The following HS3ST3A1 variants were observed in gnomAD, a reference collection of about 807,000 sequenced individuals.
HS3ST3A1 encodes the protein heparan sulfate glucosamine 3-O-sulfotransferase 3A1.
HS3ST3A1 carries 19 observed loss-of-function variants against 25.7 expected under a neutral mutation model. The ratio of observed to expected loss-of-function variants is 0.74; its 90% CI spans 0.52 to 1.08. The LOEUF is 1.08. Among genes scored for constraint, HS3ST3A1 ranks in the 50% least tolerant of loss-of-function variants. HS3ST3A1 has a pLI of 0.00. For synonymous variants in HS3ST3A1, 226 were observed against 278.6 expected (o/e 0.81, Z 1.88); for missense variants, 459 against 594.3 (o/e 0.77, Z 2.37).
At position 13,591,546 on chromosome 17, in the gene HS3ST3A1, G is replaced by A. The variant is rs547149560; in HGVS notation, c.599+8985C>T. Reference sequence around the variant, plus strand: ...GAGAAAAGTTGACAAAAATGAAGGCGGTTTTAGTTATTCCATAATAGGCCA... The same window carrying A: ...GAGAAAAGTTGACAAAAATGAAGGCAGTTTTAGTTATTCCATAATAGGCCA... On this transcript the variant is annotated intron_variant, in intron 1 of 1. Transcript: ENST00000284110. Among the ~76,000 whole-genome samples the A allele has an allele frequency of 5.3e-5, 8 of 152,116 alleles. No homozygotes were observed. The East Asian group carries it at 1.2e-3, about 22-fold the overall frequency.
At chr17:13,506,077 AC>A (rs1905664368) in intron 1 of HS3ST3A1, among the ~76,000 whole-genome samples, 1 of 140,992 alleles carries the variant, frequency 7.1e-6, no homozygotes, top group Non-Finnish European at 1.5e-5. Context: ...AGTTGGAGTT[AC>A]TTTTTTTTTT....
At chr17:13,511,387 T>C (rs1905855613) in intron 1 of HS3ST3A1, among the ~76,000 whole-genome samples, 1 of 151,908 alleles carries the variant, frequency 6.6e-6, no homozygotes, top group African/African-American at 2.4e-5. Context: ...AGGATTTGGG[T>C]GAGGGAAGTA....
At chr17:13,540,344 T>C (rs1906894707) in intron 1 of HS3ST3A1, among the ~76,000 whole-genome samples, 1 of 152,174 alleles carries the variant, frequency 6.6e-6, no homozygotes, top group Non-Finnish European at 1.5e-5. Context: ...CTCTAGTTAG[T>C]GGAAAGGGTT....
At chr17:13,570,744 A>G (rs1907781970) in intron 1 of HS3ST3A1, among the ~76,000 whole-genome samples, 1 of 152,228 alleles carries the variant, frequency 6.6e-6, no homozygotes, top group Non-Finnish European at 1.5e-5. Context: ...TGCTGGGATT[A>G]CGGGGGTGAG....
At chr17:13,556,514 G>GAAATAAAATAAGATA (rs1907378971) in intron 1 of HS3ST3A1, among the ~76,000 whole-genome samples, 1 of 145,830 alleles carries the variant, frequency 6.9e-6, no homozygotes, top group African/African-American at 2.6e-5. Flanking sequence ...TCTCAAAAAA[G>GAAATAAAATAAGATA]AAATAAAATA....
chr17:13,550,615 A>C (rs751094136), intron 1 of HS3ST3A1, among the ~76,000 whole-genome samples: 6 of 152,152 alleles, frequency 3.9e-5, no homozygotes, highest in African/African-American at 1.4e-4. Flanking sequence ...TTATGTAGAC[A>C]CTAAAATTTG....
At chr17:13,594,484 G>C (rs755115963) in intron 1 of HS3ST3A1, among the ~76,000 whole-genome samples, 5 of 152,118 alleles carry the variant, frequency 3.3e-5, no homozygotes, top group Non-Finnish European at 5.9e-5. Context: ...AGAATGACAG[G>C]ATCCTCCTCC....
At chr17:13,579,944 A>T (rs1333522908) in intron 1 of HS3ST3A1, among the ~76,000 whole-genome samples, 4 of 17,684 alleles carry the variant, frequency 2.3e-4, no homozygotes, top group Non-Finnish European at 3.9e-4. Flanking sequence ...GACTCTGTCT[A>T]AAAAAAAAAA....
intron 1 of HS3ST3A1, among the ~76,000 whole-genome samples, chr17:13,589,176 A>G (rs953682288): frequency 6.6e-6 from 1 of 152,162 alleles, no homozygotes; most frequent in Non-Finnish European, 1.5e-5. Context: ...TAATATGTAA[A>G]TTCTTTTCCA....
chr17:13,513,440 A>G (rs1206851570), intron 1 of HS3ST3A1, among the ~76,000 whole-genome samples: 2 of 152,250 alleles, frequency 1.3e-5, no homozygotes, highest in East Asian at 3.8e-4. Context: ...AAAAAGGTTC[A>G]TTACAGAAAA....
At chr17:13,500,486 G>T (rs911441914) in intron 1 of HS3ST3A1, among the ~76,000 whole-genome samples, 1 of 152,214 alleles carries the variant, frequency 6.6e-6, no homozygotes, top group Non-Finnish European at 1.5e-5. Context: ...GAGCACGAAG[G>T]TGTGGGCACT....
At chr17:13,565,606 C>A (rs1907657846) in intron 1 of HS3ST3A1, among the ~76,000 whole-genome samples, 1 of 152,194 alleles carries the variant, frequency 6.6e-6, no homozygotes, top group Non-Finnish European at 1.5e-5. Context: ...TTCTCTCATT[C>A]TAATTTTACC....
intron 1 of HS3ST3A1, among the ~76,000 whole-genome samples, chr17:13,515,471 G>GTTTTTTTTTTTTTTTTTTTTTTTTTTTTT (rs33924561): frequency 9.3e-6 from 1 of 107,796 alleles, no homozygotes; most frequent in Non-Finnish European, 1.8e-5. Flanking sequence ...GTTTGTTTCA[G>GTTTTTTTTTTTTTTTTTTTTTTTTTTTTT]TTTTTTTTTT....
chr17:13,596,972 A>C (rs1393059850), intron 1 of HS3ST3A1, among the ~76,000 whole-genome samples: 1 of 152,154 alleles, frequency 6.6e-6, no homozygotes, highest in Non-Finnish European at 1.5e-5. Flanking sequence ...GGATGAAGTC[A>C]GGGGAGCACT....
chr17:13,519,015 A>G (rs1443914971), intron 1 of HS3ST3A1, among the ~76,000 whole-genome samples: 1 of 152,238 alleles, frequency 6.6e-6, no homozygotes, highest in Non-Finnish European at 1.5e-5. Context: ...ATATTTGTAT[A>G]TAATATGTGC....
chr17:13,557,150 C>T (rs923388053), intron 1 of HS3ST3A1, among the ~76,000 whole-genome samples: 8 of 152,198 alleles, frequency 5.3e-5, no homozygotes, highest in African/African-American at 1.4e-4. Flanking sequence ...GAGCACGGGT[C>T]GGACGAAGGC....
chr17:13,598,823 A>G (rs1287571771), intron 1 of HS3ST3A1, among the ~76,000 whole-genome samples: 1 of 152,190 alleles, frequency 6.6e-6, no homozygotes, highest in African/African-American at 2.4e-5. Flanking sequence ...AATAAGAAGA[A>G]ACAATCCTAC....
chr17:13,521,940 T>C (rs1353231215), intron 1 of HS3ST3A1, among the ~76,000 whole-genome samples: 5 of 152,104 alleles, frequency 3.3e-5, no homozygotes, highest in Non-Finnish European at 2.9e-5. Context: ...AATAGATAGA[T>C]GCCAGTAGCA....
intron 1 of HS3ST3A1, among the ~76,000 whole-genome samples, chr17:13,525,868 T>A (rs879759439): frequency 6.6e-6 from 1 of 151,238 alleles, no homozygotes; most frequent in Non-Finnish European, 1.5e-5. Flanking sequence ...ATGTTACCCT[T>A]TTTTTTTTCT....
Sources: gnomAD v4.1 joint callset for allele counts (sites outside exome capture counted in the v4.1 genomes callset) on GRCh38, gnomAD v4.1.1 for gene constraint, MANE v1.5 for transcripts, NCBI Gene and HGNC (gene_info 2026-07-23, HGNC 2026-07-21) for gene names.